Variants in ZNF226 observed in about 807,000 individuals in gnomAD.
ZNF226 encodes Kruppel-associated box protein.
Under a neutral mutation model 11.4 loss-of-function variants are expected in ZNF226, and 6 were observed. The ratio of observed to expected loss-of-function variants is 0.53; its 90% CI spans 0.29 to 1.04. ZNF226 has a LOEUF of 1.04. Among genes scored for constraint, ZNF226 ranks in the 50% least tolerant of loss-of-function variants. The probability of loss-of-function intolerance (pLI) is 0.08; values close to 1 mark genes in which losing one functional copy is unlikely to be tolerated. For synonymous variants in ZNF226, 350 were observed against 322.8 expected (o/e 1.08, Z -0.90); for missense variants, 1,058 against 956.5 (o/e 1.11, Z -1.40).
the ZNF226 span, among the ~76,000 whole-genome samples, chr19:44,191,346 G>C: frequency 6.6e-6 from 1 of 152,104 alleles, no homozygotes; most frequent in Non-Finnish European, 1.5e-5. Context: ...GCATTTTAAG[G>C]TAACAACCAG....
intron 2 of ZNF226, among the ~76,000 whole-genome samples, chr19:44,167,380 G>A (rs891687966): frequency 7.0e-6 from 1 of 143,404 alleles, no homozygotes; most frequent in South Asian, 2.2e-4. Context: ...GTGCAATGGC[G>A]TGATCTCGGC....
intron 5 of ZNF226, chr19:44,173,294 T>C (rs1599729783): frequency 8.2e-6 from 3 of 363,824 alleles, no homozygotes; most frequent in Non-Finnish European, 1.5e-5. Context: ...TCTTCTATAC[T>C]CTCTTTCTGT....
In ZNF226 at chr19:44,176,345, A is replaced by G; in HGVS notation, c.1083A>G (p.Lys361=). The change falls in exon 6 of 6, where the codon AAA becomes AAG. Residue 361 remains lysine, a synonymous_variant. Coordinates refer to ENST00000337433, the MANE Select transcript of ZNF226 (RefSeq NM_001032373.2). The part of the protein sequence containing the change: ...NVHCKVHTAE[K]PYNCEECGRA... ...ATTGCAAGGTCCACACGGCAGAGAA[A>G]CCTTATAATTGTGAGGAGTGTGGGA... 2 of 1,614,176 alleles carry G rather than the reference A, an allele frequency of 1.2e-6. No homozygotes were observed. Among genetic ancestry groups the G allele is most frequent in the Non-Finnish European group, 1.7e-6 (2 of 1,180,038 alleles).
At chr19:44,193,096 A>T in the ZNF226 span, among the ~76,000 whole-genome samples, 2 of 152,140 alleles carry the variant, frequency 1.3e-5, no homozygotes, top group South Asian at 4.1e-4. Flanking sequence ...TTTATTTACC[A>T]AAGATTTACC....
At chr19:44,192,802 C>G in the ZNF226 span, among the ~76,000 whole-genome samples, 8 of 152,298 alleles carry the variant, frequency 5.3e-5, no homozygotes, top group South Asian at 1.7e-3. Context: ...ATCAAAACCT[C>G]TTGCAGATTT....
intron 5 of ZNF226, chr19:44,174,139 T>C (rs971934774): frequency 1.3e-5 from 2 of 149,554 alleles, no homozygotes; most frequent in Non-Finnish European, 3.0e-5. Context: ...TAATTTCTCT[T>C]TGTGTGTGTG....
intron 3 of ZNF226, among the ~76,000 whole-genome samples, chr19:44,171,206 C>G (rs572779812): frequency 2.6e-5 from 4 of 151,956 alleles, no homozygotes; most frequent in Non-Finnish European, 4.4e-5. Flanking sequence ...TTTTAAAATC[C>G]GTAACATTAG....
At chr19:44,198,820 T>C in the ZNF226 span, among the ~76,000 whole-genome samples, 2 of 152,214 alleles carry the variant, frequency 1.3e-5, no homozygotes, top group Non-Finnish European at 2.9e-5. Flanking sequence ...CTTTCTTTTT[T>C]TTGAAATTTA....
At chr19:44,181,482 A>G (rs1325109237), downstream of ZNF226, among the ~76,000 whole-genome samples, 1 of 152,226 alleles carries the variant, frequency 6.6e-6, no homozygotes, top group Non-Finnish European at 1.5e-5. Context: ...GCTTGGCTGC[A>G]TATTAACATT....
In ZNF226 at chr19:44,176,118, G is replaced by T. The variant is rs770016930; in HGVS notation, c.856G>T (p.Gly286Ter). ...GEKSLTCVER[G>*]KGFCYSPVLP... The stretch of plus-strand genomic sequence containing the variant: ...GAAGTCTCTTACATGTGTTGAGCGT[G>T]GAAAAGGCTTCTGTTACAGCCCAGT... Residue 286 changes from glycine to a stop codon, truncating the protein, a stop_gained, in exon 6 of 6, where the codon GGA (glycine) becomes TGA (stop). Coordinates refer to ENST00000337433, the MANE Select transcript of ZNF226 (RefSeq NM_001032373.2). LOFTEE classifies it low-confidence loss of function (END_TRUNC). The T allele has an allele frequency of 1.2e-6, 2 of 1,614,024 alleles. No homozygotes were observed. Among genetic ancestry groups the T allele is most frequent in the African/African-American group, 2.7e-5 (2 of 74,916 alleles).
At chr19:44,180,651 C>T (rs577507668), downstream of ZNF226, among the ~76,000 whole-genome samples, 1 of 152,274 alleles carries the variant, frequency 6.6e-6, no homozygotes, top group Non-Finnish European at 1.5e-5. Context: ...TGCTTTCTTG[C>T]TGCAGTGTCA....
downstream of ZNF226, among the ~76,000 whole-genome samples, chr19:44,179,884 C>G (rs954380156): frequency 1.3e-5 from 2 of 151,506 alleles, no homozygotes; most frequent in African/African-American, 2.4e-5. Flanking sequence ...GGAGTTTGAG[C>G]CCAACCTGGC....
chr19:44,175,417 CTT>C, intron 5 of ZNF226, 79 bp from the exon 6 acceptor site: 1 of 1,492,628 alleles, frequency 6.7e-7, no homozygotes, highest in South Asian at 1.4e-5. Flanking sequence ...TCATTAAAGT[CTT>C]TTACTCTGTC....
chr19:44,174,922 C>T (rs899196574), intron 5 of ZNF226: 5 of 1,495,214 alleles, frequency 3.3e-6, no homozygotes, highest in African/African-American at 2.8e-5. Flanking sequence ...GTACCCCTAC[C>T]TCAGGTACAG....
At chr19:44,182,078 G>A (rs1970913884), downstream of ZNF226, among the ~76,000 whole-genome samples, 1 of 152,194 alleles carries the variant, frequency 6.6e-6, no homozygotes, top group Non-Finnish European at 1.5e-5. Flanking sequence ...AGTGAACAGT[G>A]ATTCCAGACC....
At chr19:44,181,070 C>T (rs911969851), downstream of ZNF226, among the ~76,000 whole-genome samples, 1 of 152,124 alleles carries the variant, frequency 6.6e-6, no homozygotes, top group Non-Finnish European at 1.5e-5. Context: ...GTTCTTTTGG[C>T]CTTTGTGAAC....
Position 44,177,523 on chromosome 19 carries a change from C to G in ZNF226, c.2261C>G (p.Pro754Arg), listed in dbSNP as rs749002976. 11 of 1,613,972 alleles carry G rather than the reference C, an allele frequency of 6.8e-6. No homozygotes were observed. The East Asian group carries it at 1.8e-4, about 26-fold the overall frequency. ...SHQRVHTGEK[P>R]YKCEICGKSF... ...CAGCGAGTTCACACTGGGGAGAAAC[C>G]TTATAAATGTGAGATATGTGGTAAG... The change falls in exon 6 of 6, where the codon CCT becomes CGT. Residue 754 changes from proline to arginine, a missense_variant. By Grantham distance (103) the Pro-to-Arg change is moderately radical. Coordinates refer to ENST00000337433, the MANE Select transcript of ZNF226 (RefSeq NM_001032373.2).
rs774745490 is a variant in ZNF226 at position 44,175,873 on chromosome 19, A to C, written c.611A>C (p.Asp204Ala). Residue 204 changes from aspartate to alanine, a missense_variant, in exon 6 of 6, where the codon GAT becomes GCT. Transcript: ENST00000337433. ...NKLCQCKKGVDPIGWISHHDG... is the reference protein window; with the variant it reads ...NKLCQCKKGVAPIGWISHHDG... ...TTATGTCAATGTAAGAAGGGTGTTG[A>C]TCCCATCGGTTGGATTTCACATCAT... The C allele has an allele frequency of 1.2e-6, 2 of 1,613,466 alleles. No individual in the cohort carries two copies. The highest frequency in any genetic ancestry group is 2.2e-5 in the South Asian group (2 of 90,928).
the ZNF226 span, among the ~76,000 whole-genome samples, chr19:44,199,272 T>C: frequency 6.6e-6 from 1 of 151,886 alleles, no homozygotes; most frequent in Non-Finnish European, 1.5e-5. Flanking sequence ...CCTCCCCGGC[T>C]CAAGTGATCC....
Sources: gnomAD v4.1 joint callset for allele counts (sites outside exome capture counted in the v4.1 genomes callset) on GRCh38, gnomAD v4.1.1 for gene constraint, MANE v1.5 for transcripts, NCBI Gene and HGNC (gene_info 2026-07-23, HGNC 2026-07-21) for gene names.